RARRES1: variants seen among roughly 807,000 people sequenced by gnomAD.
RARRES1 encodes retinoic acid receptor responder 1, also known as retinoic acid receptor responder protein 1.
Under a neutral mutation model 30.6 loss-of-function variants are expected in RARRES1, and 34 were observed. That is an observed-to-expected ratio of 1.11 (90% CI 0.84 to 1.48). RARRES1 has a LOEUF of 1.48. Ranked by LOEUF, RARRES1 falls within the 40% of genes most tolerant of loss-of-function variation. The pLI, the probability that RARRES1 is intolerant of heterozygous loss-of-function variation, is 0.00. For synonymous variants in RARRES1, 153 were observed against 155.5 expected, an observed-to-expected ratio of 0.98 and a Z score of 0.12; for missense variants, 373 against 386.5, an observed-to-expected ratio of 0.97 and a Z score of 0.29.
rs1194657718 is a variant in RARRES1 at position 158,732,298 on chromosome 3, A to C, written c.118T>G (p.Ser40Ala). 1.5e-6 allele frequency: 2 copies of C among 1,343,002 alleles called. No individual in the cohort carries two copies. The highest frequency in any genetic ancestry group is 1.6e-5 in the African/African-American group (1 of 63,916). The allele number at this position is 1,343,002 out of a possible 1,614,324, so 83.2% of individuals were successfully genotyped here. Residue 40 changes from serine to alanine, a missense_variant, in exon 1 of 6, where the codon TCC becomes GCC. Transcript: ENST00000237696. Reference protein sequence around the residue: ...LLAPVAAPAGSGDPDDPGQPQ... With the variant: ...LLAPVAAPAGAGDPDDPGQPQ... Reference sequence around the variant, plus strand: ...TGCCCAGGGTCGTCGGGGTCCCCGGACCCCGCGGGCGCCGCCACCGGGGCG... The same window carrying C: ...TGCCCAGGGTCGTCGGGGTCCCCGGCCCCCGCGGGCGCCGCCACCGGGGCG...
At chr3:158,717,954 CA>C (rs1727377933) in intron 1 of RARRES1, among the ~76,000 whole-genome samples, 1 of 151,130 alleles carries the variant, frequency 6.6e-6, no homozygotes, top group South Asian at 2.1e-4. Context: ...CAGAAATCAT[CA>C]CTAGAATACA....
intron 1 of RARRES1, among the ~76,000 whole-genome samples, chr3:158,715,671 A>G (rs929839376): frequency 6.6e-6 from 1 of 152,194 alleles, no homozygotes; most frequent in African/African-American, 2.4e-5. Flanking sequence ...ATGAGAAAGC[A>G]GAAGAACTGG....
intron 3 of RARRES1, among the ~76,000 whole-genome samples, 191 bp from the exon 4 acceptor site, chr3:158,705,118 C>T (rs147477011): frequency 6.6e-6 from 1 of 152,146 alleles, no homozygotes; most frequent in Non-Finnish European, 1.5e-5. Flanking sequence ...CTTCAACTTG[C>T]CAAACTGAGT....
chr3:158,698,185 T>C (rs1273327538), intron 4 of RARRES1: 9 of 516,332 alleles, frequency 1.7e-5, no homozygotes, highest in Non-Finnish European at 2.4e-5. Flanking sequence ...TGGTTGAATG[T>C]CTGTCACTTT....
chr3:158,711,467 C>T (rs983142430), intron 2 of RARRES1, among the ~76,000 whole-genome samples: 5 of 152,162 alleles, frequency 3.3e-5, no homozygotes, highest in African/African-American at 4.8e-5. Flanking sequence ...CTTCTAACAC[C>T]GAAGCCCAGG....
chr3:158,717,576 A>G (rs940661410), intron 1 of RARRES1, among the ~76,000 whole-genome samples: 6 of 152,274 alleles, frequency 3.9e-5, no homozygotes, highest in African/African-American at 1.2e-4. Context: ...CTGGGTGGCA[A>G]GGGCCACACC....
intron 2 of RARRES1, among the ~76,000 whole-genome samples, chr3:158,713,380 G>A (rs917407493): frequency 7.9e-5 from 12 of 152,096 alleles, no homozygotes; most frequent in African/African-American, 2.9e-4. Context: ...CTCTGTGTAC[G>A]TTAGCTCATG....
intron 1 of RARRES1, among the ~76,000 whole-genome samples, chr3:158,727,842 C>CAACAA (rs1727739946): frequency 6.6e-6 from 1 of 152,144 alleles, no homozygotes; most frequent in African/African-American, 2.4e-5. Flanking sequence ...CTACAATTAG[C>CAACAA]AACAAAACAA....
chr3:158,710,558 A>G (rs571448616), intron 3 of RARRES1, among the ~76,000 whole-genome samples, 180 bp downstream of exon 3: 11 of 152,290 alleles, frequency 7.2e-5, no homozygotes, highest in African/African-American at 2.4e-4. Flanking sequence ...ACTGTGTTGG[A>G]TTAGAGATGA....
At chr3:158,724,854 C>A (rs1288160765) in intron 1 of RARRES1, among the ~76,000 whole-genome samples, 3 of 150,568 alleles carry the variant, frequency 2.0e-5, no homozygotes, top group Non-Finnish European at 4.4e-5. Context: ...CAGACAGGGT[C>A]TCACTATGTT....
intron 1 of RARRES1, 42 bp from the exon 2 acceptor site, chr3:158,713,901 T>C: frequency 6.5e-7 from 1 of 1,531,198 alleles, no homozygotes; most frequent in South Asian, 1.1e-5. Context: ...AGAAGCTCCC[T>C]TAAACATCCT....
Position 158,732,262 on chromosome 3 carries a change from C to A in RARRES1, c.154G>T (p.Ala52Ser). 7.3e-7 allele frequency: 1 copy of A among 1,365,586 alleles called. No homozygotes were observed. Among genetic ancestry groups the A allele is most frequent in the Non-Finnish European group, 9.4e-7 (1 of 1,069,476 alleles). The allele number at this position is 1,365,586 out of a possible 1,614,324, so 84.6% of individuals were successfully genotyped here. The change falls in exon 1 of 6, where the codon GCT (alanine) becomes TCT (serine). Residue 52 changes from alanine to serine, a missense_variant. Transcript: ENST00000237696. The part of the protein sequence containing the change: ...DPDDPGQPQD[A>S]GVPRRLLQQA... Reference sequence around the variant, plus strand: ...TGCAGGAGCCTGCGCGGGACCCCAGCATCCTGAGGCTGCCCAGGGTCGTCG... The same window carrying A: ...TGCAGGAGCCTGCGCGGGACCCCAGAATCCTGAGGCTGCCCAGGGTCGTCG...
At chr3:158,732,105 C>G in intron 1 of RARRES1, 35 bp downstream of exon 1, 10 of 1,310,878 alleles carry the variant, frequency 7.6e-6, no homozygotes, top group Non-Finnish European at 9.7e-6. Flanking sequence ...CGCGGACAGG[C>G]AGGCGCGTGC....
rs1169305033 is a variant in RARRES1, at chr3:158,732,367, CCCTGGGCCCGGACCAGGGAGCAGGCA to C, written c.23_48del (p.Leu8ArgfsTer78). ...AGCAGCGGGGCGGTGGGGCGCGGGC[CCCTGGGCCCGGACCAGGGAGCAGGCA>C]GCCGTTGCCGGCGGGGCTGCATGGA... On this transcript the variant is annotated frameshift_variant, in exon 1 of 6. Transcript: ENST00000237696. LOFTEE classifies it high-confidence loss of function. The C allele has an allele frequency of 3.4e-5, 51 of 1,479,642 alleles. No individual in the cohort carries two copies. Among genetic ancestry groups the C allele is most frequent in the Non-Finnish European group, 4.3e-5 (48 of 1,121,660 alleles). 91.7% of individuals were successfully genotyped at this position (1,479,642 alleles called of 1,614,324 possible).
At chr3:158,709,833 G>A (rs986829520) in intron 3 of RARRES1, among the ~76,000 whole-genome samples, 1 of 152,226 alleles carries the variant, frequency 6.6e-6, no homozygotes, top group African/African-American at 2.4e-5. Context: ...ACACATTCTG[G>A]TGAGTGCAGG....
Position 158,723,983 on chromosome 3 carries a change from C to A in RARRES1, c.276+8157G>T, listed in dbSNP as rs771638028. Among the ~76,000 whole-genome samples the A allele has an allele frequency of 6.6e-6, 1 of 152,184 alleles. No individual in the cohort carries two copies. Among genetic ancestry groups the A allele is most frequent in the Non-Finnish European group, 1.5e-5 (1 of 68,036 alleles). On this transcript the variant is annotated intron_variant, in intron 1 of 5. Coordinates refer to ENST00000237696, the MANE Select transcript of RARRES1 (RefSeq NM_206963.2). This position sits in a 1 kb window ranked among gnomAD's most constrained non-coding sequence, Gnocchi z 4.4. Reference sequence around the variant, plus strand: ...GATAGAGACATGATATAATACCTTGCGCCCTGTAGAAGCTGACCGTCTCGT... The same window carrying A: ...GATAGAGACATGATATAATACCTTGAGCCCTGTAGAAGCTGACCGTCTCGT...
intron 4 of RARRES1, 65 bp downstream of exon 4, chr3:158,704,726 C>G: frequency 2.0e-6 from 3 of 1,528,518 alleles, no homozygotes; most frequent in Non-Finnish European, 2.6e-6. Context: ...CGCATGAATT[C>G]AGTCTAAGGA....
chr3:158,729,716 T>C (rs1727810357), intron 1 of RARRES1, among the ~76,000 whole-genome samples: 1 of 152,044 alleles, frequency 6.6e-6, no homozygotes. Context: ...CCTCCCAAAG[T>C]GCTGAGATTA....
intron 1 of RARRES1, among the ~76,000 whole-genome samples, chr3:158,722,031 C>T (rs949923490): frequency 2.3e-5 from 3 of 127,876 alleles, no homozygotes; most frequent in African/African-American, 8.9e-5. Flanking sequence ...GTGGAGTTTG[C>T]GGGTGAGCCG....
Sources: gnomAD v4.1 joint callset for allele counts (sites outside exome capture counted in the v4.1 genomes callset) on GRCh38, gnomAD v4.1.1 for gene constraint, Gnocchi (gnomAD v3.1) non-coding constraint, MANE v1.5 for transcripts, NCBI Gene and HGNC (gene_info 2026-07-23, HGNC 2026-07-21) for gene names.